CSMD1: variants seen among roughly 807,000 people sequenced by gnomAD.
The protein encoded by CSMD1 is CUB and Sushi multiple domains 1, also known as CUB and sushi domain-containing protein 1.
A neutral mutation model predicts 417.5 loss-of-function variants in CSMD1; 213 were observed. The observed-to-expected ratio is 0.51, with a 90% CI of 0.46 to 0.57. The LOEUF (loss-of-function observed/expected upper bound fraction) is 0.57. Among genes scored for constraint, CSMD1 ranks in the 20% least tolerant of loss-of-function variants. CSMD1 has a pLI of 0.00. For missense variants in CSMD1, 6,923 were observed against 4,529.7 expected (o/e 1.53, Z -15.17); for synonymous variants, 2,862 against 1,736.8 (o/e 1.65, Z -16.11).
In CSMD1 at chr8:4,031,970, A is replaced by G. The variant is rs1451349650; in HGVS notation, c.545T>C (p.Ile182Thr). Residue 182 changes from isoleucine to threonine, a missense_variant, in exon 4 of 70, where the codon ATC (isoleucine) becomes ACC (threonine). By Grantham distance (89) the Ile-to-Thr change is moderately conservative (BLOSUM62 -1). Coordinates refer to ENST00000635120, the MANE Select transcript of CSMD1 (RefSeq NM_033225.6). ...TCCTGGGCTGACGATGCAGGTCAGG[A>G]TGGCGTGGCCTTCCAAGATGTAGCC... is the stretch of plus-strand genomic sequence containing the variant. The part of the protein sequence containing the change: ...LPGYILEGHA[I>T]LTCIVSPGNG... The G allele has an allele frequency of 1.9e-6, 3 of 1,613,968 alleles. No individual in the cohort carries two copies. Among genetic ancestry groups the G allele is most frequent in the Non-Finnish European group, 1.7e-6 (2 of 1,179,884 alleles).
rs551949215 is a variant in CSMD1, at chr8:3,937,351, A to G, written c.818+60552T>C. 4.6e-5 allele frequency among the ~76,000 whole-genome samples: 7 copies of G among 152,268 alleles called. No individual in the cohort carries two copies. In the South Asian group the frequency reaches 1.5e-3, roughly 32 times the overall value. On this transcript the variant is annotated intron_variant, in intron 5 of 69. Transcript: ENST00000635120. ...ACATGCTATATAGAAATATTTCATT[A>G]AAGGAGGAATCAACTGACGTGGTAA...
chr8:4,445,191 C>A (rs916394633), intron 2 of CSMD1, among the ~76,000 whole-genome samples: 3 of 151,978 alleles, frequency 2.0e-5, no homozygotes, highest in Non-Finnish European at 2.9e-5. Context: ...TTTTAATGTG[C>A]AGAATCCTGG....
intron 7 of CSMD1, among the ~76,000 whole-genome samples, chr8:3,678,443 G>A (rs1435829365): frequency 6.6e-6 from 1 of 152,170 alleles, no homozygotes; most frequent in Non-Finnish European, 1.5e-5. Context: ...ATCAGTGACT[G>A]AAGATCAAAT....
chr8:3,997,880 T>G, intron 5 of CSMD1, 23 bp downstream of exon 5: 1 of 1,598,148 alleles, frequency 6.3e-7, no homozygotes. Context: ...GTATCCTTTG[T>G]GGCATCTCTT....
At chr8:3,781,367 G>T (rs1449480771) in intron 5 of CSMD1, among the ~76,000 whole-genome samples, 1 of 152,110 alleles carries the variant, frequency 6.6e-6, no homozygotes, top group Non-Finnish European at 1.5e-5. Context: ...GTCAGGTCAA[G>T]CGCATTCTAT....
intron 7 of CSMD1, among the ~76,000 whole-genome samples, chr8:3,697,038 C>T (rs1228650124): frequency 6.6e-6 from 1 of 152,120 alleles, no homozygotes; most frequent in Non-Finnish European, 1.5e-5. Context: ...ATTCCTCTTC[C>T]ATTGAGGGCA....
intron 5 of CSMD1, among the ~76,000 whole-genome samples, chr8:3,858,091 T>C (rs1006435941): frequency 1.4e-4 from 21 of 152,242 alleles, no homozygotes; most frequent in Non-Finnish European, 2.6e-4. Flanking sequence ...GACTGTCCAA[T>C]TGAATTTTAA....
chr8:4,358,577 T>C (rs1222916168), intron 3 of CSMD1, among the ~76,000 whole-genome samples: 3 of 152,186 alleles, frequency 2.0e-5, no homozygotes, highest in Non-Finnish European at 4.4e-5. Flanking sequence ...TATCTGGCCA[T>C]TTAAAGAAAA....
At chr8:3,960,405 A>G (rs1274342907) in intron 5 of CSMD1, among the ~76,000 whole-genome samples, 1 of 152,162 alleles carries the variant, frequency 6.6e-6, no homozygotes, top group Non-Finnish European at 1.5e-5. Context: ...TATGCACCAG[A>G]CAGAAGACTA....
chr8:2,966,828 A>G (rs2128929238), intron 57 of CSMD1, 82 bp from the exon 58 acceptor site: 2 of 1,258,466 alleles, frequency 1.6e-6, no homozygotes, highest in Non-Finnish European at 2.3e-6. Context: ...AATGGGTATC[A>G]GTGCAATAGA....
Position 4,142,516 on chromosome 8 carries a change from G to C in CSMD1, c.416-110417C>G, listed in dbSNP as rs144489037. On this transcript the variant is annotated intron_variant, in intron 3 of 69. Transcript: ENST00000635120. The stretch of plus-strand genomic sequence containing the variant: ...AGCTCGTGAAAAAGGAGCTGTTCTA[G>C]ATGAATTCTAAGTTTAGCAACATGT... Among the ~76,000 whole-genome samples, 784 of 151,344 alleles carry C rather than the reference G, an allele frequency of 5.2e-3. 60 individuals are homozygous for C. The highest frequency in any genetic ancestry group is 0.018 in the African/African-American group (750 of 40,638).
At chr8:3,033,979 T>C (rs1323107329) in intron 50 of CSMD1, among the ~76,000 whole-genome samples, 1 of 152,028 alleles carries the variant, frequency 6.6e-6, no homozygotes. Flanking sequence ...CCCAGACTAG[T>C]CAGACCACCC....
chr8:3,467,073 G>T (rs913325358), intron 12 of CSMD1, among the ~76,000 whole-genome samples: 5 of 152,112 alleles, frequency 3.3e-5, no homozygotes, highest in African/African-American at 9.7e-5. Context: ...TCTCAGGGTG[G>T]CTACTGAGAC....
chr8:3,954,378 T>C (rs1431432347), intron 5 of CSMD1, among the ~76,000 whole-genome samples: 1 of 152,118 alleles, frequency 6.6e-6, no homozygotes, highest in Non-Finnish European at 1.5e-5. Context: ...TTTTTTCTTT[T>C]TTGAGACGGA....
chr8:3,746,608 T>A (rs1391418606), intron 6 of CSMD1, among the ~76,000 whole-genome samples: 1 of 152,240 alleles, frequency 6.6e-6, no homozygotes, highest in South Asian at 2.1e-4. Context: ...TTCATTAATT[T>A]AACATCTCTG....
At chr8:3,155,484 C>T (rs1476594043) in intron 39 of CSMD1, among the ~76,000 whole-genome samples, 2 of 150,092 alleles carry the variant, frequency 1.3e-5, no homozygotes, top group Non-Finnish European at 3.0e-5. Context: ...TCTCCTGCCT[C>T]AGCCTCCCGA....
intron 1 of CSMD1, among the ~76,000 whole-genome samples, chr8:4,856,986 C>G (rs1801839202): frequency 6.6e-6 from 1 of 150,922 alleles, no homozygotes; most frequent in Admixed American, 6.6e-5. Context: ...CCACACCACA[C>G]CTATTCCAAA....
chr8:3,452,064 T>C (rs1815763029), intron 12 of CSMD1, among the ~76,000 whole-genome samples: 2 of 152,306 alleles, frequency 1.3e-5, no homozygotes, highest in South Asian at 4.2e-4. Flanking sequence ...AGGTATTTTA[T>C]TCTCTTTGAA....
At chr8:4,173,558 A>C (rs1051694819) in intron 3 of CSMD1, among the ~76,000 whole-genome samples, 32 of 152,120 alleles carry the variant, frequency 2.1e-4, no homozygotes, top group Non-Finnish European at 3.5e-4. Context: ...AGAAAGATAA[A>C]ATTATCAAAT....
Sources: gnomAD v4.1 joint callset for allele counts (sites outside exome capture counted in the v4.1 genomes callset) on GRCh38, gnomAD v4.1.1 for gene constraint, MANE v1.5 for transcripts, NCBI Gene and HGNC (gene_info 2026-07-23, HGNC 2026-07-21) for gene names.